The following COL5A1 variants were observed in gnomAD, a reference collection of about 807,000 sequenced individuals.
COL5A1 encodes the protein collagen alpha-1(V) chain.
Under a neutral mutation model 263.7 loss-of-function variants are expected in COL5A1, and 16 were observed. The ratio of observed to expected loss-of-function variants is 0.06; its 90% CI spans 0.04 to 0.09. The LOEUF is 0.09. COL5A1 is among the 10% of genes least tolerant of loss of function. The pLI, the probability that COL5A1 is intolerant of heterozygous loss-of-function variation, is 1.00. For missense variants in COL5A1, 2,036 were observed against 2,540.5 expected (o/e 0.80, Z 4.27); for synonymous variants, 1,012 against 1,004.5 (o/e 1.01, Z -0.14).
chr9:134,694,450 C>A (rs1235880778), intron 2 of COL5A1, among the ~76,000 whole-genome samples: 1 of 152,266 alleles, frequency 6.6e-6, no homozygotes, highest in African/African-American at 2.4e-5. Flanking sequence ...CCGGCCTCCT[C>A]TGGCCTGGGA....
At chr9:134,739,112 G>C (rs1835210338) in intron 11 of COL5A1, among the ~76,000 whole-genome samples, 1 of 152,250 alleles carries the variant, frequency 6.6e-6, no homozygotes, top group African/African-American at 2.4e-5. Context: ...AACCACAGCA[G>C]ATGGCTCCGG....
chr9:134,814,443 G>A (rs931992628), intron 49 of COL5A1, among the ~76,000 whole-genome samples: 14 of 152,152 alleles, frequency 9.2e-5, no homozygotes, highest in African/African-American at 2.9e-4. Flanking sequence ...GGGTGGACTC[G>A]GGTCTTCTGG....
chr9:134,718,395 G>C (rs1834345015), intron 4 of COL5A1, among the ~76,000 whole-genome samples: 1 of 152,228 alleles, frequency 6.6e-6, no homozygotes, highest in Non-Finnish European at 1.5e-5. Flanking sequence ...GGGGGAAAAT[G>C]GTCAGTTATC....
At chr9:134,650,817 C>T (rs893340866) in intron 1 of COL5A1, among the ~76,000 whole-genome samples, 14 of 152,266 alleles carry the variant, frequency 9.2e-5, no homozygotes, top group African/African-American at 9.6e-5. Flanking sequence ...AGGGTGCTCC[C>T]GTCAGCACCT....
intron 4 of COL5A1, among the ~76,000 whole-genome samples, chr9:134,714,712 GGTA>G (rs1257926871): frequency 6.6e-6 from 1 of 150,510 alleles, no homozygotes; most frequent in Non-Finnish European, 1.5e-5. Flanking sequence ...TGGAGGTGAT[GGTA>G]GTGGTGGTGA....
intron 43 of COL5A1, 91 bp downstream of exon 43, chr9:134,809,381 A>G: frequency 9.8e-7 from 1 of 1,023,902 alleles, no homozygotes; most frequent in Non-Finnish European, 1.5e-6. Flanking sequence ...GGATGCTGGC[A>G]GGTAGAGCGG....
At chr9:134,725,964 G>A (rs1564413562) in intron 4 of COL5A1, among the ~76,000 whole-genome samples, 1 of 152,224 alleles carries the variant, frequency 6.6e-6, no homozygotes, top group Non-Finnish European at 1.5e-5. Context: ...AGGGTGAACT[G>A]ATTTGGGTGA....
At chr9:134,774,720 G>T (rs1304625851) in intron 26 of COL5A1, 139 bp from the exon 27 acceptor site, 3 of 827,968 alleles carry the variant, frequency 3.6e-6, no homozygotes, top group African/African-American at 1.7e-5. Context: ...TCCCACGGGG[G>T]GCCTCTCTGG....
At chr9:134,832,994 G>C (rs1156937839) in intron 64 of COL5A1, 1 of 152,266 alleles carries the variant, frequency 6.6e-6, no homozygotes, top group African/African-American at 2.4e-5. Context: ...GGCTCTTTCG[G>C]AGCAGGCCAG....
intron 28 of COL5A1, among the ~76,000 whole-genome samples, chr9:134,782,288 T>C (rs1468665479): frequency 6.6e-6 from 1 of 152,138 alleles, no homozygotes; most frequent in African/African-American, 2.4e-5. Context: ...CCGTCCTCAA[T>C]TGTCACCCCC....
chr9:134,647,753 G>A lies in COL5A1; in HGVS notation c.109+5457G>A, dbSNP rs975491996. On this transcript the variant is annotated intron_variant, in intron 1 of 65. Transcript: ENST00000371817. The surrounding 1 kb of genome is among the most constrained non-coding windows in gnomAD (Gnocchi z 5.0). ...CTTTTTAAACTCCCGGGAGGGCGAT[G>A]TTACATTATGGCTCCCGCTTCTCCT... 1.7e-4 allele frequency among the ~76,000 whole-genome samples: 26 copies of A among 152,206 alleles called. No individual in the cohort carries two copies. Among genetic ancestry groups the A allele is most frequent in the African/African-American group, 6.3e-4 (26 of 41,444 alleles).
chr9:134,820,097 T>C lies in COL5A1; in HGVS notation c.4447-19T>C, dbSNP rs1554806958. On this transcript the variant is annotated intron_variant, in intron 57 of 65. Transcript: ENST00000371817. ...CGTGGCTCCCTCAAATGCCCCTTCC[T>C]GTCTTCATTTTCCCACAGGGTCATC... The C allele has an allele frequency of 1.2e-6, 2 of 1,602,752 alleles. No homozygotes were observed. Among genetic ancestry groups the C allele is most frequent in the Admixed American group, 3.3e-5 (2 of 60,012 alleles).
chr9:134,806,528 T>C (rs867993181), intron 42 of COL5A1, among the ~76,000 whole-genome samples: 12 of 152,178 alleles, frequency 7.9e-5, no homozygotes, highest in Admixed American at 6.5e-4. Flanking sequence ...CGCCATCAGC[T>C]GAGCCAGAGG....
intron 4 of COL5A1, chr9:134,708,351 C>T (rs1481750835): frequency 6.7e-5 from 22 of 329,378 alleles, no homozygotes; most frequent in South Asian, 1.2e-4. Flanking sequence ...CTGCCCCTCC[C>T]GAGTCCTGGC....
chr9:134,827,391 G>C (rs952112369), intron 63 of COL5A1, among the ~76,000 whole-genome samples: 1 of 152,196 alleles, frequency 6.6e-6, no homozygotes, highest in African/African-American at 2.4e-5. Flanking sequence ...AACTCCTTGA[G>C]AACCTGCCTT....
Position 134,700,226 on chromosome 9 carries a change from G to T in COL5A1, c.491+104G>T. Reference sequence around the variant, plus strand: ...GCACAGTAGAGGACGTGCAGCAGCCGGTACTGAGACTCCCACAGACGCCGC... The same window carrying T: ...GCACAGTAGAGGACGTGCAGCAGCCTGTACTGAGACTCCCACAGACGCCGC... On this transcript the variant is annotated intron_variant, in intron 3 of 65. Transcript: ENST00000371817. The surrounding 1 kb of genome is among the most constrained non-coding windows in gnomAD (Gnocchi z 4.0). 1 of 1,110,730 alleles carries T rather than the reference G, an allele frequency of 9.0e-7. No individual in the cohort carries two copies. The highest frequency in any genetic ancestry group is 2.5e-5 in the East Asian group (1 of 39,354). 68.8% of individuals were successfully genotyped at this position (1,110,730 alleles called of 1,614,324 possible). A position where few individuals can be genotyped will look rare whatever the true frequency, so the allele number is the denominator to read the frequency against.
chr9:134,812,336 C>T, intron 46 of COL5A1, 113 bp from the exon 47 acceptor site: 1 of 1,116,834 alleles, frequency 9.0e-7, no homozygotes, highest in Non-Finnish European at 1.4e-6. Context: ...AAGCACCTTC[C>T]CGGGGCTTCG....
chr9:134,740,246 C>G (rs899805875), intron 11 of COL5A1, among the ~76,000 whole-genome samples: 1 of 152,212 alleles, frequency 6.6e-6, no homozygotes, highest in Non-Finnish European at 1.5e-5. Flanking sequence ...AAACTCCAGA[C>G]AGGCAACAGC....
At chr9:134,708,356 C>T (rs1355130482) in intron 4 of COL5A1, 1 of 333,144 alleles carries the variant, frequency 3.0e-6, no homozygotes, top group Admixed American at 4.2e-5. Flanking sequence ...CCTCCCGAGT[C>T]CTGGCCCAAG....
Sources: allele counts gnomAD v4.1 joint callset (sites outside exome capture counted in the v4.1 genomes callset), GRCh38; gene constraint gnomAD v4.1.1; non-coding constraint Gnocchi (gnomAD v3.1); transcripts MANE v1.5; gene names NCBI Gene and HGNC (gene_info 2026-07-23, HGNC 2026-07-21).